Variants in DST observed in about 807,000 individuals in gnomAD.
DST encodes bullous pemphigoid antigen.
In DST, 253 loss-of-function variants were observed where a neutral mutation model predicts 875.2. The observed-to-expected ratio is 0.29, with a 90% CI of 0.26 to 0.32. The LOEUF (loss-of-function observed/expected upper bound fraction) is 0.32, where lower values mean the gene tolerates loss of function less well. Ranked by LOEUF, DST falls within the 10% of genes least tolerant of loss-of-function variation. The pLI is 1.00. For missense variants in DST, 8,287 were observed against 9,111.6 expected (o/e 0.91, Z 3.68); for synonymous variants, 3,124 against 3,197.1 (o/e 0.98, Z 0.77).
intron 90 of DST, among the ~76,000 whole-genome samples, chr6:56,481,440 C>T (rs190086425): frequency 1.3e-5 from 2 of 152,292 alleles, no homozygotes; most frequent in South Asian, 2.1e-4. Flanking sequence ...GATTTGAAAA[C>T]TCAATAGCCA....
chr6:56,679,040 T>C (rs1227445821), intron 9 of DST, among the ~76,000 whole-genome samples: 2 of 152,186 alleles, frequency 1.3e-5, no homozygotes, highest in African/African-American at 4.8e-5. Flanking sequence ...TAATAAACTG[T>C]CTTTCTCTTA....
intron 4 of DST, among the ~76,000 whole-genome samples, chr6:56,739,827 T>A (rs983630104): frequency 1.3e-5 from 2 of 152,192 alleles, no homozygotes; most frequent in Non-Finnish European, 2.9e-5. Flanking sequence ...GAGGCATGAA[T>A]AATCCACCCC....
At chr6:56,467,703 A>G (rs542616585) in intron 98 of DST, among the ~76,000 whole-genome samples, 1 of 152,260 alleles carries the variant, frequency 6.6e-6, no homozygotes, top group East Asian at 1.9e-4. Context: ...TATAGAGATG[A>G]TATTTCAAGT....
chr6:56,547,396 A>C (rs2097249799), intron 61 of DST, among the ~76,000 whole-genome samples: 1 of 152,156 alleles, frequency 6.6e-6, no homozygotes. Flanking sequence ...TTCCTATAAA[A>C]GCCATGCATC....
intron 9 of DST, among the ~76,000 whole-genome samples, chr6:56,678,837 C>A (rs2099143172): frequency 6.6e-6 from 1 of 152,174 alleles, no homozygotes; most frequent in Non-Finnish European, 1.5e-5. Flanking sequence ...TACTAACGGG[C>A]CTTTGTCTGC....
At chr6:56,930,760 T>C (rs1809757761) in intron 2 of DST, among the ~76,000 whole-genome samples, 1 of 152,182 alleles carries the variant, frequency 6.6e-6, no homozygotes, top group Admixed American at 6.5e-5. Context: ...ATAAGAAAGA[T>C]ATGAAAAAGC....
chr6:56,875,518 C>G (rs934878360), intron 3 of DST, among the ~76,000 whole-genome samples: 1 of 152,176 alleles, frequency 6.6e-6, no homozygotes, highest in African/African-American at 2.4e-5. Context: ...AATGACTAGT[C>G]ATTTAATTAA....
chr6:56,763,954 T>C (rs1408139181), intron 4 of DST, among the ~76,000 whole-genome samples: 1 of 152,044 alleles, frequency 6.6e-6, no homozygotes, highest in African/African-American at 2.4e-5. Flanking sequence ...ATACTATAAA[T>C]ATACAGATTA....
In DST at chr6:56,607,518, T is replaced by G. The variant is rs754458744; in HGVS notation, c.7110A>C (p.Glu2370Asp). The G allele has an allele frequency of 4.4e-6, 7 of 1,601,350 alleles. No homozygotes were observed. The highest frequency in any genetic ancestry group is 6.0e-6 in the Non-Finnish European group (7 of 1,172,850). The change falls in exon 40 of 104, where the codon GAA (glutamate) becomes GAC (aspartate). Residue 2370 changes from glutamate (E) to aspartate (D), a missense_variant. Physicochemically the swap from Glu to Asp is conservative, Grantham distance 45 (BLOSUM62 2). Transcript: ENST00000680361. ...SDSENILTNY[E>D]NQSRVETNER... is the part of the protein sequence containing the mutation. ...CATTTGTTTCCACTCGGCTTTGATT[T>G]TCATAGTTTGTAAGTATGTTTTCAG...
chr6:56,774,708 C>A (rs2099674521), intron 4 of DST, among the ~76,000 whole-genome samples: 1 of 152,070 alleles, frequency 6.6e-6, no homozygotes, highest in Non-Finnish European at 1.5e-5. Context: ...AGAAGAAATA[C>A]AAGGCCGGGC....
chr6:56,904,168 T>C (rs1795338266), intron 2 of DST, among the ~76,000 whole-genome samples: 1 of 152,350 alleles, frequency 6.6e-6, no homozygotes, highest in Middle Eastern at 3.4e-3. Flanking sequence ...AATATAGTCT[T>C]GAACACAATA....
At chr6:56,834,581 T>C (rs7772607) in intron 4 of DST, among the ~76,000 whole-genome samples, 1 of 151,000 alleles carries the variant, frequency 6.6e-6, no homozygotes, top group African/African-American at 2.4e-5. Context: ...TGAGTGACAG[T>C]GCGAGACTCC....
chr6:56,883,787 A>AT (rs1783327235), intron 3 of DST, among the ~76,000 whole-genome samples: 1 of 152,106 alleles, frequency 6.6e-6, no homozygotes, highest in Admixed American at 6.6e-5. Flanking sequence ...CCACCAGATG[A>AT]TTTTAAAGCC....
intron 49 of DST, among the ~76,000 whole-genome samples, chr6:56,585,860 G>C (rs555949351): frequency 7.6e-4 from 115 of 152,286 alleles, no homozygotes; most frequent in African/African-American, 2.6e-3. Context: ...GTACCCAGTA[G>C]TCATTCAGGA....
intron 3 of DST, among the ~76,000 whole-genome samples, chr6:56,853,950 A>G (rs1010963173): frequency 1.1e-4 from 16 of 152,226 alleles, no homozygotes; most frequent in Non-Finnish European, 2.4e-4. Flanking sequence ...GGGAAATCAT[A>G]CATATTTATA....
intron 93 of DST, among the ~76,000 whole-genome samples, chr6:56,472,924 G>A (rs908060590): frequency 1.3e-5 from 2 of 152,208 alleles, no homozygotes; most frequent in South Asian, 2.1e-4. Context: ...GGCTAAATAC[G>A]GCCTAGAAAC....
chr6:56,598,746 T>C (rs1193396059), intron 45 of DST, 37 bp from the exon 46 acceptor site: 2 of 1,263,770 alleles, frequency 1.6e-6, no homozygotes, highest in East Asian at 2.5e-5. Context: ...TTTTATTAAA[T>C]TATTACCTAT....
chr6:56,732,600 A>G (rs2099505306), intron 5 of DST, among the ~76,000 whole-genome samples: 1 of 152,236 alleles, frequency 6.6e-6, no homozygotes, highest in Admixed American at 6.5e-5. Context: ...AGTAACTTAT[A>G]CAATCATTTA....
In DST at chr6:56,493,041, G is replaced by A; in HGVS notation, c.20443C>T (p.Leu6815Phe). ...LNLAMEFHNS[L>F]QDFINWLTQA... ...GTAAGCCAGTTGATGAAGTCTTGGA[G>A]AGAATTGTGGAACTCCATTGCCAAG... Residue 6815 changes from leucine to phenylalanine, a missense_variant, in exon 84 of 104, where the codon CTC becomes TTC. Leu to Phe is a conservative substitution (Grantham distance 22). Transcript: ENST00000680361. 1 of 1,612,798 alleles carries A rather than the reference G, an allele frequency of 6.2e-7. No individual in the cohort carries two copies. Among genetic ancestry groups the A allele is most frequent in the Non-Finnish European group, 8.5e-7 (1 of 1,179,402 alleles).
Sources: allele counts gnomAD v4.1 joint callset (sites outside exome capture counted in the v4.1 genomes callset), GRCh38; gene constraint gnomAD v4.1.1; transcripts MANE v1.5; gene names NCBI Gene and HGNC (gene_info 2026-07-23, HGNC 2026-07-21).